Variants in MSRA observed in about 807,000 individuals in gnomAD.
The protein encoded by MSRA is mitochondrial peptide methionine sulfoxide reductase.
MSRA carries 54 observed loss-of-function variants against 31.3 expected under a neutral mutation model. The observed-to-expected ratio is 1.73, with a 90% confidence interval of 1.39 to 2.17. The LOEUF (loss-of-function observed/expected upper bound fraction) is 2.17. Ranked by LOEUF, MSRA falls within the 30% of genes most tolerant of loss-of-function variation. The pLI, the probability that MSRA is intolerant of heterozygous loss-of-function variation, is 0.00. For synonymous variants in MSRA, 169 were observed against 116.5 expected (o/e 1.45, Z -2.90); for missense variants, 507 against 300.9 (o/e 1.69, Z -5.07).
intron 5 of MSRA, among the ~76,000 whole-genome samples, chr8:10,374,876 C>A (rs957715348): frequency 2.6e-5 from 4 of 152,134 alleles, no homozygotes; most frequent in African/African-American, 7.2e-5. Flanking sequence ...GCTGTCCTCA[C>A]GGTAATAAGG....
Position 10,269,828 on chromosome 8 carries a change from T to A in MSRA, c.331+24605T>A, listed in dbSNP as rs1283909392. ...CACCACGCCCGGCTAATGTTTTGTA[T>A]TTTTAGTAGAGACGGGGTTTCACCG... On this transcript the variant is annotated intron_variant, in intron 3 of 5. Transcript: ENST00000317173. Among the ~76,000 whole-genome samples the A allele has an allele frequency of 8.5e-5, 13 of 152,148 alleles. 1 individual carries two copies. Among genetic ancestry groups the A allele is most frequent in the Non-Finnish European group, 7.3e-5 (5 of 68,036 alleles).
At chr8:10,153,027 G>A (rs958623816) in intron 1 of MSRA, among the ~76,000 whole-genome samples, 1 of 152,206 alleles carries the variant, frequency 6.6e-6, no homozygotes, top group Admixed American at 6.5e-5. Flanking sequence ...AAGAGCTGCT[G>A]TTTAAAGGAT....
At chr8:10,183,590 G>A (rs892428848) in intron 1 of MSRA, among the ~76,000 whole-genome samples, 2 of 152,162 alleles carry the variant, frequency 1.3e-5, no homozygotes, top group African/African-American at 2.4e-5. Flanking sequence ...GTGGAGAATA[G>A]CAACATTAGT....
chr8:10,290,050 G>A (rs899386717), intron 3 of MSRA, among the ~76,000 whole-genome samples: 7 of 152,200 alleles, frequency 4.6e-5, no homozygotes, highest in African/African-American at 1.7e-4. Flanking sequence ...TTATAGATGA[G>A]CAGCCTGTGG....
At chr8:10,181,505 G>C (rs1806536401) in intron 1 of MSRA, among the ~76,000 whole-genome samples, 1 of 151,782 alleles carries the variant, frequency 6.6e-6, no homozygotes. Flanking sequence ...ATAGATTCTA[G>C]GGGCCCTGTA....
intron 1 of MSRA, among the ~76,000 whole-genome samples, chr8:10,146,464 G>A (rs572689131): frequency 1.3e-5 from 2 of 152,318 alleles, no homozygotes; most frequent in African/African-American, 4.8e-5. Context: ...TAAAACAGCT[G>A]CTGCCTGAAA....
At chr8:10,069,487 G>C (rs1797625458) in intron 1 of MSRA, among the ~76,000 whole-genome samples, 1 of 152,232 alleles carries the variant, frequency 6.6e-6, no homozygotes, top group Middle Eastern at 3.2e-3. Flanking sequence ...TTTTCTCACA[G>C]CTCCGGAGGC....
intron 1 of MSRA, among the ~76,000 whole-genome samples, chr8:10,180,106 G>A (rs1480679445): frequency 6.6e-6 from 1 of 152,190 alleles, no homozygotes; most frequent in Non-Finnish European, 1.5e-5. Context: ...AACTTCAGAT[G>A]CCAATTGCAA....
intron 5 of MSRA, among the ~76,000 whole-genome samples, chr8:10,401,034 C>G (rs955626418): frequency 6.0e-5 from 9 of 150,100 alleles, no homozygotes; most frequent in Non-Finnish European, 1.3e-4. Context: ...ACAGACAACA[C>G]AAGAAAAAAA....
chr8:10,207,735 T>C (rs1809120726), intron 1 of MSRA, 98 bp from the exon 2 acceptor site: 1 of 1,156,720 alleles, frequency 8.6e-7, no homozygotes, highest in Non-Finnish European at 1.2e-6. Flanking sequence ...CATTTTTAAC[T>C]CAAAGGAGAA....
rs141159840 is a variant in MSRA at position 10,253,051 on chromosome 8, G to A, written c.331+7828G>A. Among the ~76,000 whole-genome samples, 58 of 152,272 alleles carry A rather than the reference G, an allele frequency of 3.8e-4. No homozygotes were observed. In the East Asian group the frequency reaches 9.7e-3, roughly 25 times the overall value. On this transcript the variant is annotated intron_variant, in intron 3 of 5. Transcript: ENST00000317173. Reference sequence around the variant, plus strand: ...AAGTTTGCCCAGTTATTTAAATCCAGCATTAGACATCAGAGAGGGTGAGGA... The same window carrying A: ...AAGTTTGCCCAGTTATTTAAATCCAACATTAGACATCAGAGAGGGTGAGGA...
At chr8:10,211,536 A>G (rs1809495089) in intron 2 of MSRA, among the ~76,000 whole-genome samples, 1 of 152,154 alleles carries the variant, frequency 6.6e-6, no homozygotes, top group South Asian at 2.1e-4. Flanking sequence ...AAGTGGAGCC[A>G]CACATTTTGC....
intron 2 of MSRA, among the ~76,000 whole-genome samples, chr8:10,215,690 T>A (rs764935370): frequency 7.2e-5 from 11 of 152,206 alleles, no homozygotes; most frequent in Non-Finnish European, 1.5e-4. Flanking sequence ...TCACCATGTG[T>A]CCAAGTGAGA....
chr8:10,099,088 C>CGT (rs775546640), intron 1 of MSRA, among the ~76,000 whole-genome samples: 1 of 151,194 alleles, frequency 6.6e-6, no homozygotes, highest in Non-Finnish European at 1.5e-5. Context: ...TCTAGTGGTT[C>CGT]GTGTGTGTGT....
At chr8:10,337,304 C>T (rs143837220) in intron 5 of MSRA, 2,699 of 161,692 alleles carry the variant, frequency 0.017, 74 homozygotes, top group African/African-American at 0.061. Flanking sequence ...CTCAGCCTCC[C>T]GAGTAGCTGG....
At chr8:10,149,644 C>A (rs1173161176) in intron 1 of MSRA, among the ~76,000 whole-genome samples, 1 of 151,940 alleles carries the variant, frequency 6.6e-6, no homozygotes, top group African/African-American at 2.4e-5. Context: ...TGTGTGTCTA[C>A]CTTCTGTCTG....
intron 5 of MSRA, among the ~76,000 whole-genome samples, chr8:10,395,555 G>A (rs955842335): frequency 6.6e-6 from 1 of 152,192 alleles, no homozygotes; most frequent in African/African-American, 2.4e-5. Flanking sequence ...GAGGAAGCAG[G>A]CACTGATGTT....
At chr8:10,423,028 C>G (rs995144936) in intron 5 of MSRA, among the ~76,000 whole-genome samples, 1 of 152,226 alleles carries the variant, frequency 6.6e-6, no homozygotes, top group African/African-American at 2.4e-5. Flanking sequence ...TGACATCCCA[C>G]TGTCACGGGT....
At chr8:10,279,138 G>T (rs933165847) in intron 3 of MSRA, among the ~76,000 whole-genome samples, 9 of 152,150 alleles carry the variant, frequency 5.9e-5, no homozygotes, top group Non-Finnish European at 1.0e-4. Flanking sequence ...ATGATCTTGC[G>T]TATCTGCTGG....
Sources: gnomAD v4.1 joint callset for allele counts (sites outside exome capture counted in the v4.1 genomes callset) on GRCh38, gnomAD v4.1.1 for gene constraint, MANE v1.5 for transcripts, NCBI Gene and HGNC (gene_info 2026-07-23, HGNC 2026-07-21) for gene names.